Variants in PTPRK observed in about 807,000 individuals in gnomAD.
The protein encoded by PTPRK is protein tyrosine phosphatase receptor type K.
PTPRK carries 75 observed loss-of-function variants against 178.0 expected under a neutral mutation model. That is an observed-to-expected ratio of 0.42 (90% CI 0.35 to 0.51). The LOEUF is 0.51. Ranked by LOEUF, PTPRK falls within the 20% of genes least tolerant of loss-of-function variation. The probability of loss-of-function intolerance (pLI) is 0.02; values close to 1 mark genes in which losing one functional copy is unlikely to be tolerated. For synonymous variants in PTPRK, 637 were observed against 620.6 expected (o/e 1.03, Z -0.39); for missense variants, 1,441 against 1,797.8 (o/e 0.80, Z 3.59).
At chr6:128,155,104 G>C (rs1455102436) in intron 7 of PTPRK, among the ~76,000 whole-genome samples, 1 of 151,706 alleles carries the variant, frequency 6.6e-6, no homozygotes, top group East Asian at 1.9e-4. Context: ...TTATATAATA[G>C]AAAGTCCTAC....
intron 6 of PTPRK, among the ~76,000 whole-genome samples, chr6:128,202,721 G>A (rs990623403): frequency 3.3e-5 from 5 of 152,096 alleles, no homozygotes; most frequent in African/African-American, 9.7e-5. Flanking sequence ...AGAATCCCTG[G>A]ATAGACCAAT....
intron 1 of PTPRK, among the ~76,000 whole-genome samples, chr6:128,518,298 A>G (rs1858394907): frequency 6.6e-6 from 1 of 152,244 alleles, no homozygotes; most frequent in African/African-American, 2.4e-5. Flanking sequence ...AGAACTAGAT[A>G]TCTAAGAACA....
At chr6:128,459,543 A>C (rs2128411183) in intron 1 of PTPRK, among the ~76,000 whole-genome samples, 1 of 152,342 alleles carries the variant, frequency 6.6e-6, no homozygotes, top group East Asian at 1.9e-4. Flanking sequence ...CATTTGAACC[A>C]GTGAAACAGC....
intron 13 of PTPRK, among the ~76,000 whole-genome samples, chr6:128,053,812 A>G (rs921026305): frequency 5.3e-5 from 8 of 152,084 alleles, no homozygotes; most frequent in African/African-American, 1.9e-4. Flanking sequence ...TGCTGCTTTC[A>G]TCTCTCACTG....
chr6:128,472,951 C>T (rs1014908414), intron 1 of PTPRK, among the ~76,000 whole-genome samples: 1 of 151,972 alleles, frequency 6.6e-6, no homozygotes, highest in Non-Finnish European at 1.5e-5. Flanking sequence ...AACAGTATTG[C>T]CTGCAAATTC....
At chr6:128,105,325 G>A (rs1279380963) in intron 7 of PTPRK, among the ~76,000 whole-genome samples, 1 of 151,856 alleles carries the variant, frequency 6.6e-6, no homozygotes, top group Non-Finnish European at 1.5e-5. Context: ...AGTAGAGACG[G>A]GGTTTCACCG....
At chr6:128,178,024 T>C (rs1801342622) in intron 7 of PTPRK, among the ~76,000 whole-genome samples, 1 of 151,854 alleles carries the variant, frequency 6.6e-6, no homozygotes, top group Admixed American at 6.6e-5. Context: ...ACCATCCTTA[T>C]GGTGACTACT....
chr6:128,156,901 C>T (rs1178401138), intron 7 of PTPRK, among the ~76,000 whole-genome samples: 1 of 151,882 alleles, frequency 6.6e-6, no homozygotes. Flanking sequence ...GTCAGACTGC[C>T]TGAGTCCTTT....
In PTPRK at chr6:127,969,503, C is replaced by T. The variant is rs888091598; in HGVS notation, c.*724G>A. On this transcript the variant is annotated 3_prime_UTR_variant, in exon 30 of 30. Coordinates refer to ENST00000368226, the MANE Select transcript of PTPRK (RefSeq NM_002844.4). Reference sequence around the variant, plus strand: ...CATACAAAAAATAATCTACAAAAATCGTTTACAATTGATTTTAGCTAAAGA... The same window carrying T: ...CATACAAAAAATAATCTACAAAAATTGTTTACAATTGATTTTAGCTAAAGA... 6.6e-6 allele frequency: 1 copy of T among 151,770 alleles called. No homozygotes were observed. Among genetic ancestry groups the T allele is most frequent in the African/African-American group, 2.4e-5 (1 of 41,280 alleles). The allele number at this position is 151,770 out of a possible 1,614,324, so 9.4% of individuals were successfully genotyped here.
At chr6:128,369,057 C>A (rs1835914789) in intron 2 of PTPRK, among the ~76,000 whole-genome samples, 1 of 151,110 alleles carries the variant, frequency 6.6e-6, no homozygotes, top group South Asian at 2.1e-4. Flanking sequence ...GCTTTGCATG[C>A]AGTTTAAATT....
intron 2 of PTPRK, among the ~76,000 whole-genome samples, chr6:128,332,681 T>G (rs542033906): frequency 2.0e-5 from 3 of 152,212 alleles, no homozygotes; most frequent in Admixed American, 2.0e-4. Context: ...TTAATGGCAC[T>G]TAACCTTCAT....
intron 3 of PTPRK, among the ~76,000 whole-genome samples, chr6:128,298,273 G>T (rs1319131101): frequency 6.6e-6 from 1 of 152,028 alleles, no homozygotes; most frequent in African/African-American, 2.4e-5. Flanking sequence ...GGACCAGATG[G>T]ATTCACAGCC....
chr6:128,173,948 C>G (rs34612271), intron 7 of PTPRK, among the ~76,000 whole-genome samples: 2 of 150,332 alleles, frequency 1.3e-5, no homozygotes, highest in Non-Finnish European at 3.0e-5. Flanking sequence ...AATGTATTCC[C>G]TTACATAAAA....
chr6:128,485,057 T>C (rs1033343566), intron 1 of PTPRK, among the ~76,000 whole-genome samples: 1 of 152,234 alleles, frequency 6.6e-6, no homozygotes, highest in African/African-American at 2.4e-5. Context: ...ATACCAAATG[T>C]AAATTATACG....
chr6:128,454,050 AT>A (rs1345105470), intron 1 of PTPRK, among the ~76,000 whole-genome samples: 1 of 152,194 alleles, frequency 6.6e-6, no homozygotes, highest in Non-Finnish European at 1.5e-5. Flanking sequence ...GCAGCCCTTA[AT>A]GGAATAAAGC....
intron 25 of PTPRK, among the ~76,000 whole-genome samples, chr6:127,980,332 C>G (rs541079168): frequency 6.6e-6 from 1 of 151,266 alleles, no homozygotes; most frequent in Non-Finnish European, 1.5e-5. Flanking sequence ...CAACAACAAA[C>G]AAACAAAATA....
intron 22 of PTPRK, 68 bp downstream of exon 22, chr6:127,985,649 TCAAA>T: frequency 6.9e-7 from 1 of 1,439,886 alleles, no homozygotes; most frequent in Non-Finnish European, 9.4e-7. Context: ...GTTTTTGTGC[TCAAA>T]AGCCTTGTCT....
At chr6:128,162,764 A>G (rs978914166) in intron 7 of PTPRK, among the ~76,000 whole-genome samples, 2 of 151,682 alleles carry the variant, frequency 1.3e-5, no homozygotes, top group Non-Finnish European at 3.0e-5. Flanking sequence ...CAGAGACGGT[A>G]GTCAAATACT....
At chr6:128,375,401 C>CT (rs1009351530) in intron 2 of PTPRK, among the ~76,000 whole-genome samples, 38 of 151,340 alleles carry the variant, frequency 2.5e-4, no homozygotes, top group African/African-American at 8.5e-4. Flanking sequence ...GGGAAACAAC[C>CT]TTTTTAAAAA....
Sources: gnomAD v4.1 joint callset for allele counts (sites outside exome capture counted in the v4.1 genomes callset) on GRCh38, gnomAD v4.1.1 for gene constraint, MANE v1.5 for transcripts, NCBI Gene and HGNC (gene_info 2026-07-23, HGNC 2026-07-21) for gene names.